Variants in ELMO2 observed in about 807,000 individuals in gnomAD.
ELMO2 encodes engulfment and cell motility protein 2.
ELMO2 carries 37 observed loss-of-function variants against 96.2 expected under a neutral mutation model. The observed-to-expected ratio is 0.38, with a 90% CI of 0.30 to 0.51. The LOEUF is 0.51. Among genes scored for constraint, ELMO2 ranks in the 20% least tolerant of loss-of-function variants. The pLI is 0.88. For missense variants in ELMO2, 561 were observed against 912.6 expected (o/e 0.61, Z 4.96); for synonymous variants, 315 against 329.4 (o/e 0.96, Z 0.47).
chr20:46,387,204 T>G, intron 8 of ELMO2, 134 bp downstream of exon 8: 1 of 683,078 alleles, frequency 1.5e-6, no homozygotes, highest in Admixed American at 2.8e-5. Context: ...GACTAGAGCT[T>G]GAGGATGAAA....
In ELMO2 at chr20:46,375,895, C is replaced by T; in HGVS notation, c.808-105G>A. On this transcript the variant is annotated intron_variant, in intron 11 of 21. Coordinates refer to ENST00000290246, the MANE Select transcript of ELMO2 (RefSeq NM_133171.5). This position sits in a 1 kb window ranked among gnomAD's most constrained non-coding sequence, Gnocchi z 4.6. ...AATGTATGTTGGGAAGGGAACAGAG[C>T]TTTCCTCCCACACACGAGGACTTCA... 1 of 1,461,628 alleles carries T rather than the reference C, an allele frequency of 6.8e-7. No homozygotes were observed. Among genetic ancestry groups the T allele is most frequent in the Non-Finnish European group, 9.3e-7 (1 of 1,073,130 alleles). The allele number at this position is 1,461,628 out of a possible 1,614,324, so 90.5% of individuals were successfully genotyped here.
Position 46,367,089 on chromosome 20 carries a change from G to C in ELMO2, c.*271C>G, listed in dbSNP as rs928957256. On this transcript the variant is annotated 3_prime_UTR_variant, in exon 22 of 22. Transcript: ENST00000290246. Reference sequence around the variant, plus strand: ...AAGAAGCAGTTTCTTGGACTGGAAGGCAAGGGCATCTGCTGTTTGTTCCTC... The same window carrying C: ...AAGAAGCAGTTTCTTGGACTGGAAGCCAAGGGCATCTGCTGTTTGTTCCTC... 2.1e-5 allele frequency: 7 copies of C among 330,836 alleles called. No homozygotes were observed. Among genetic ancestry groups the C allele is most frequent in the African/African-American group, 1.1e-4 (5 of 47,136 alleles). The allele number at this position is 330,836 out of a possible 1,614,324, so 20.5% of individuals were successfully genotyped here.
At chr20:46,406,094 C>T (rs887682275) in intron 1 of ELMO2, among the ~76,000 whole-genome samples, 2 of 152,146 alleles carry the variant, frequency 1.3e-5, no homozygotes, top group Non-Finnish European at 2.9e-5. Context: ...ACGGGGCGGA[C>T]TGGTGGACGC....
rs1568747862 is a variant in ELMO2 at position 46,371,484 on chromosome 20, G to C, written c.1694-25C>G. The C allele has an allele frequency of 6.2e-7, 1 of 1,613,856 alleles. No individual in the cohort carries two copies. The highest frequency in any genetic ancestry group is 8.5e-7 in the Non-Finnish European group (1 of 1,179,684). ...TCTGGAACACAAGGGAAGCCAAACA[G>C]GTGAGCAACGACAGTACTGGGAAAG... On this transcript the variant is annotated intron_variant, in intron 18 of 21. Coordinates refer to ENST00000290246, the MANE Select transcript of ELMO2 (RefSeq NM_133171.5). This position sits in a 1 kb window ranked among gnomAD's most constrained non-coding sequence, Gnocchi z 5.9.
chr20:46,371,399 T>C lies in ELMO2; in HGVS notation c.1754A>G (p.Asp585Gly), dbSNP rs985623713. The change falls in exon 19 of 22, where the codon GAT becomes GGT. Residue 585 changes from aspartate to glycine, a missense_variant. Transcript: ENST00000290246. The surrounding 1 kb of genome is among the most constrained non-coding windows in gnomAD (Gnocchi z 5.9). Reference sequence around the variant, plus strand: ...TGTCACCTCCCCTTGTGGGTTGTCATCCAAGTCACCATAGTGAAGGACCTT... The same window carrying C: ...TGTCACCTCCCCTTGTGGGTTGTCACCCAAGTCACCATAGTGAAGGACCTT... ...NHKVLHYGDLDDNPQGEVTFE... is the reference protein window; with the variant it reads ...NHKVLHYGDLGDNPQGEVTFE... The C allele has an allele frequency of 1.2e-5, 19 of 1,614,252 alleles. No individual in the cohort carries two copies. Among genetic ancestry groups the C allele is most frequent in the Non-Finnish European group, 1.4e-5 (16 of 1,180,050 alleles).
intron 11 of ELMO2, among the ~76,000 whole-genome samples, chr20:46,378,145 C>T (rs981163056): frequency 3.3e-5 from 5 of 152,204 alleles, no homozygotes; most frequent in African/African-American, 1.2e-4. Context: ...AATTAATTAT[C>T]CTAGCATCAA....
At chr20:46,387,126 G>A (rs2060060235) in intron 8 of ELMO2, among the ~76,000 whole-genome samples, 2 of 152,038 alleles carry the variant, frequency 1.3e-5, no homozygotes, top group African/African-American at 4.8e-5. Flanking sequence ...TAGTTCTGAC[G>A]GTCCAGTTCC....
chr20:46,375,490 T>A lies in ELMO2; in HGVS notation c.931-120A>T. 2.0e-6 allele frequency: 3 copies of A among 1,490,690 alleles called. No individual in the cohort carries two copies. In the South Asian group the frequency reaches 3.8e-5, roughly 19 times the overall value. The allele number at this position is 1,490,690 out of a possible 1,614,324, so 92.3% of individuals were successfully genotyped here. A position where few individuals can be genotyped will look rare whatever the true frequency, so the allele number is the denominator to read the frequency against. On this transcript the variant is annotated intron_variant, in intron 12 of 21. Transcript: ENST00000290246. This position sits in a 1 kb window ranked among gnomAD's most constrained non-coding sequence, Gnocchi z 4.6. ...GCCCCAATCAATCCCTTAGGAGGCA[T>A]CACCTCTACCACAGCAGGACAGAAA... is the stretch of plus-strand genomic sequence containing the variant.
chr20:46,390,364 G>A (rs1037268487), intron 6 of ELMO2, among the ~76,000 whole-genome samples: 1 of 152,150 alleles, frequency 6.6e-6, no homozygotes, highest in African/African-American at 2.4e-5. Context: ...AATGTGAAAA[G>A]CCTGGCAATT....
At chr20:46,380,074 C>A in intron 11 of ELMO2, 179 bp downstream of exon 11, 1 of 532,282 alleles carries the variant, frequency 1.9e-6, no homozygotes, top group Non-Finnish European at 3.3e-6. Flanking sequence ...TGCCTAGAGG[C>A]AACTCTGCTC....
At chr20:46,395,112 T>C (rs2060221478) in intron 2 of ELMO2, among the ~76,000 whole-genome samples, 1 of 152,050 alleles carries the variant, frequency 6.6e-6, no homozygotes, top group Admixed American at 6.6e-5. Context: ...GGACAGGAAA[T>C]GCTATTTTCG....
chr20:46,369,944 G>C, intron 20 of ELMO2: 1 of 262,966 alleles, frequency 3.8e-6, no homozygotes, highest in Non-Finnish European at 7.2e-6. Context: ...CTCTGGTTTA[G>C]ACAAGATGGG....
intron 20 of ELMO2, 60 bp downstream of exon 20, chr20:46,370,383 C>G: frequency 6.7e-7 from 1 of 1,499,472 alleles, no homozygotes; most frequent in Non-Finnish European, 9.3e-7. Flanking sequence ...AAAAAACCAC[C>G]ACCAATGGCA....
intron 21 of ELMO2, among the ~76,000 whole-genome samples, chr20:46,368,076 TC>T (rs2059621526): frequency 6.6e-6 from 1 of 152,146 alleles, no homozygotes; most frequent in Non-Finnish European, 1.5e-5. Flanking sequence ...AGCCTTCTGA[TC>T]CCACCGCTCC....
At chr20:46,374,105 T>G (rs959757299) in intron 15 of ELMO2, among the ~76,000 whole-genome samples, 7 of 144,154 alleles carry the variant, frequency 4.9e-5, no homozygotes, top group Admixed American at 3.4e-4. Flanking sequence ...TTGGTTTTTT[T>G]TTTTTTTTTT....
At chr20:46,405,817 G>A (rs979027378) in intron 1 of ELMO2, among the ~76,000 whole-genome samples, 1 of 152,176 alleles carries the variant, frequency 6.6e-6, no homozygotes, top group Non-Finnish European at 1.5e-5. Context: ...CTGGGAGGCG[G>A]AGGTTGCTGT....
chr20:46,372,048 T>C, intron 16 of ELMO2, 79 bp from the exon 17 acceptor site: 3 of 1,579,648 alleles, frequency 1.9e-6, no homozygotes, highest in East Asian at 2.3e-5. Context: ...ACCAAGGCTC[T>C]TTCCTGCCCC....
intron 1 of ELMO2, among the ~76,000 whole-genome samples, chr20:46,401,181 T>C (rs2060329075): frequency 6.6e-6 from 1 of 152,228 alleles, no homozygotes; most frequent in African/African-American, 2.4e-5. Context: ...ACAATCTCTA[T>C]AAAGGCTTCC....
chr20:46,393,045 T>C (rs1425478106), intron 6 of ELMO2, 48 bp downstream of exon 6: 1 of 1,545,836 alleles, frequency 6.5e-7, no homozygotes, highest in Non-Finnish European at 8.9e-7. Flanking sequence ...TAGGTGCTCA[T>C]ATTTGTTTGT....
Sources: gnomAD v4.1 joint callset for allele counts (sites outside exome capture counted in the v4.1 genomes callset) on GRCh38, gnomAD v4.1.1 for gene constraint, Gnocchi (gnomAD v3.1) non-coding constraint, MANE v1.5 for transcripts, NCBI Gene and HGNC (gene_info 2026-07-23, HGNC 2026-07-21) for gene names.